Variants in LPIN2 observed in about 807,000 individuals in gnomAD.
The protein encoded by LPIN2 is lipin 2.
LPIN2 carries 55 observed loss-of-function variants against 111.4 expected under a neutral mutation model. The ratio of observed to expected loss-of-function variants is 0.49; its 90% CI spans 0.40 to 0.62. The LOEUF is 0.62. Ranked by LOEUF, LPIN2 falls within the 20% of genes least tolerant of loss-of-function variation. The pLI, the probability that LPIN2 is intolerant of heterozygous loss-of-function variation, is 0.00. For synonymous variants in LPIN2, 425 were observed against 414.0 expected (o/e 1.03, Z -0.32); for missense variants, 992 against 1,112.1 (o/e 0.89, Z 1.54).
rs369932382 is a variant in LPIN2 at position 2,954,614 on chromosome 18, A to C, written c.193-15T>G. 1.3e-6 allele frequency: 2 copies of C among 1,537,312 alleles called. No individual in the cohort carries two copies. The highest frequency in any genetic ancestry group is 1.4e-5 in the African/African-American group (1 of 73,340). On this transcript the variant is annotated splice_polypyrimidine_tract_variant and intron_variant, in intron 2 of 19. Transcript: ENST00000677752. ...TCTATATCAATCTATGGGAGAAACA[A>C]AGTATGACTTAATGTTCAAGGAGTC...
intron 1 of LPIN2, among the ~76,000 whole-genome samples, chr18:3,011,335 C>T (rs918169288): frequency 2.0e-5 from 3 of 152,118 alleles, no homozygotes; most frequent in Non-Finnish European, 4.4e-5. Context: ...AAAACAGAAC[C>T]TGTCGTTTCA....
At chr18:2,955,391 TGCCACACAAAG>T (rs1383965118) in intron 2 of LPIN2, among the ~76,000 whole-genome samples, 2 of 35,240 alleles carry the variant, frequency 5.7e-5, no homozygotes, top group South Asian at 1.2e-3. Flanking sequence ...AGACTGGGGG[TGCCACACAAAG>T]GTGCCACACA....
chr18:3,005,359 AAAAAG>A (rs1473313030), intron 1 of LPIN2, among the ~76,000 whole-genome samples: 2 of 151,750 alleles, frequency 1.3e-5, no homozygotes, highest in African/African-American at 4.8e-5. Context: ...CTCAAAAAAA[AAAAAG>A]AAAAAGAAAA....
intron 2 of LPIN2, among the ~76,000 whole-genome samples, chr18:2,959,104 A>G (rs531380375): frequency 6.5e-4 from 99 of 152,346 alleles, no homozygotes; most frequent in South Asian, 1.2e-3. Flanking sequence ...CTATGGCTAA[A>G]TAACACTGTT....
intron 18 of LPIN2, 72 bp from the exon 19 acceptor site, chr18:2,920,953 A>G: frequency 9.7e-7 from 1 of 1,027,242 alleles, no homozygotes; most frequent in Non-Finnish European, 1.5e-6. Flanking sequence ...GCTCCTTGTG[A>G]GCCAGAAGCA....
intron 8 of LPIN2, among the ~76,000 whole-genome samples, chr18:2,932,442 A>C (rs1180558347): frequency 6.6e-6 from 1 of 152,214 alleles, no homozygotes. Context: ...TTCCCATTTG[A>C]ATCAACAAAA....
At position 2,917,602 on chromosome 18, in the gene LPIN2, C is replaced by CT. The variant is rs1269115626; in HGVS notation, c.*2690dup. The stretch of plus-strand genomic sequence containing the variant: ...AGGACATCCCATTTTTAAGTTTTTT[C>CT]TTTTTCCAGTTGAAAACTATGCAGA... On this transcript the variant is annotated 3_prime_UTR_variant, in exon 20 of 20. Coordinates refer to ENST00000677752, the MANE Select transcript of LPIN2 (RefSeq NM_001375808.2). 2 of 152,098 alleles carry CT rather than the reference C, an allele frequency of 1.3e-5. No individual in the cohort carries two copies. The highest frequency in any genetic ancestry group is 4.8e-5 in the African/African-American group (2 of 41,406). 9.4% of individuals were successfully genotyped at this position (152,098 alleles called of 1,614,324 possible). A position where few individuals can be genotyped will look rare whatever the true frequency, so the allele number is the denominator to read the frequency against.
intron 1 of LPIN2, among the ~76,000 whole-genome samples, chr18:2,965,731 C>CAAAA (rs35530040): frequency 6.8e-5 from 7 of 103,216 alleles, no homozygotes; most frequent in East Asian, 2.8e-4. Context: ...CTCCCAATCT[C>CAAAA]AAAAAAAAAA....
chr18:2,972,843 G>A (rs186038108), intron 1 of LPIN2, among the ~76,000 whole-genome samples: 2 of 152,156 alleles, frequency 1.3e-5, no homozygotes, highest in African/African-American at 4.8e-5. Flanking sequence ...ATAAAACCTT[G>A]TCATGAAACT....
chr18:2,921,687 G>A, intron 17 of LPIN2, 40 bp from the exon 18 acceptor site: 1 of 1,448,572 alleles, frequency 6.9e-7, no homozygotes, highest in African/African-American at 1.4e-5. Context: ...ATCTCAAAAT[G>A]GTCGTTTTCC....
intron 5 of LPIN2, 35 bp from the exon 6 acceptor site, chr18:2,939,638 A>T (rs768174396): frequency 6.2e-7 from 1 of 1,609,010 alleles, no homozygotes; most frequent in African/African-American, 1.3e-5. Flanking sequence ...ATGACTTGAA[A>T]GTCGGGAAAC....
chr18:2,971,088 G>A (rs1392968628), intron 1 of LPIN2, among the ~76,000 whole-genome samples: 1 of 152,080 alleles, frequency 6.6e-6, no homozygotes, highest in Non-Finnish European at 1.5e-5. Context: ...CTTAAGGAAG[G>A]ACCATAAACA....
chr18:2,994,242 A>C (rs186752838), intron 1 of LPIN2, among the ~76,000 whole-genome samples: 1 of 152,348 alleles, frequency 6.6e-6, no homozygotes, highest in Admixed American at 6.5e-5. Flanking sequence ...AAAGGCAGTA[A>C]GTGTTTTTCT....
intron 4 of LPIN2, among the ~76,000 whole-genome samples, chr18:2,943,762 A>G (rs1266947779): frequency 6.6e-6 from 1 of 152,130 alleles, no homozygotes; most frequent in Non-Finnish European, 1.5e-5. Context: ...TCCAACTTTC[A>G]CTGCCCAGAG....
At chr18:2,957,525 GGT>G (rs1193783183) in intron 2 of LPIN2, among the ~76,000 whole-genome samples, 1 of 152,188 alleles carries the variant, frequency 6.6e-6, no homozygotes, top group Admixed American at 6.5e-5. Flanking sequence ...AGGGAGTAGA[GGT>G]GGGCTGTTGT....
At chr18:2,927,620 C>A (rs1333900823) in intron 12 of LPIN2, 102 bp downstream of exon 12, 6 of 1,225,322 alleles carry the variant, frequency 4.9e-6, no homozygotes, top group Non-Finnish European at 7.2e-6. Flanking sequence ...GTAAAATAGC[C>A]CTATACAGTC....
chr18:2,942,525 G>A (rs902648432), intron 4 of LPIN2, among the ~76,000 whole-genome samples: 2 of 152,128 alleles, frequency 1.3e-5, no homozygotes, highest in Non-Finnish European at 2.9e-5. Flanking sequence ...TTTCACTGCA[G>A]TATAAAAGGT....
intron 15 of LPIN2, 54 bp downstream of exon 15, chr18:2,924,344 C>G: frequency 6.2e-7 from 1 of 1,610,578 alleles, no homozygotes; most frequent in Admixed American, 1.7e-5. Context: ...CACTGCCTGC[C>G]CCTCCCTGAG....
chr18:2,995,209 G>A (rs1727514288), intron 1 of LPIN2, among the ~76,000 whole-genome samples: 1 of 152,182 alleles, frequency 6.6e-6, no homozygotes, highest in South Asian at 2.1e-4. Flanking sequence ...CTATGCCACA[G>A]TAAGTGCTTA....
Sources: allele counts gnomAD v4.1 joint callset (sites outside exome capture counted in the v4.1 genomes callset), GRCh38; gene constraint gnomAD v4.1.1; transcripts MANE v1.5; gene names NCBI Gene and HGNC (gene_info 2026-07-23, HGNC 2026-07-21).